SRD5A1: variants seen among roughly 807,000 people sequenced by gnomAD.
SRD5A1 encodes steroid 5 alpha-reductase 1, also known as 3-oxo-5-alpha-steroid 4-dehydrogenase 1.
A neutral mutation model predicts 28.2 loss-of-function variants in SRD5A1; 22 were observed. That is an observed-to-expected ratio of 0.78 (90% CI 0.56 to 1.12). SRD5A1 has a LOEUF of 1.12. Ranked by LOEUF, SRD5A1 falls within the 50% of genes most tolerant of loss-of-function variation. The pLI is 0.00. For synonymous variants in SRD5A1, 151 were observed against 135.0 expected (o/e 1.12, Z -0.82); for missense variants, 300 against 346.7 (o/e 0.87, Z 1.07).
At chr5:6,664,426 A>G (rs1029139639) in intron 4 of SRD5A1, among the ~76,000 whole-genome samples, 4 of 151,966 alleles carry the variant, frequency 2.6e-5, no homozygotes, top group African/African-American at 9.7e-5. Flanking sequence ...TTTTTTTAAG[A>G]CAGCATCTCA....
intron 2 of SRD5A1, among the ~76,000 whole-genome samples, chr5:6,655,437 C>A (rs568703516): frequency 2.0e-5 from 3 of 152,312 alleles, no homozygotes; most frequent in African/African-American, 7.2e-5. Context: ...TGGGGAGAAC[C>A]ATGCAGGCGG....
rs961357600 is a variant in SRD5A1 at position 6,669,566 on chromosome 5, G to A, written c.*1298G>A. 2.0e-5 allele frequency: 3 copies of A among 152,176 alleles called. No individual in the cohort carries two copies. Among genetic ancestry groups the A allele is most frequent in the Non-Finnish European group, 4.4e-5 (3 of 68,034 alleles). The allele number at this position is 152,176 out of a possible 1,614,324, so 9.4% of individuals were successfully genotyped here. ...ATAAATAGACTTTGCCATTTAACAA[G>A]GTAGCTCAAATTCTTTTACTAATTG... On this transcript the variant is annotated 3_prime_UTR_variant, in exon 5 of 5. Transcript: ENST00000274192.
intron 3 of SRD5A1, among the ~76,000 whole-genome samples, chr5:6,662,338 G>A (rs1214425650): frequency 6.6e-6 from 1 of 152,240 alleles, no homozygotes; most frequent in Non-Finnish European, 1.5e-5. Flanking sequence ...GGAGTTCATG[G>A]TTCTAGATGT....
chr5:6,656,186 A>G lies in SRD5A1; in HGVS notation c.562+7A>G, dbSNP rs915161979. The G allele has an allele frequency of 2.5e-6, 4 of 1,607,540 alleles. No individual in the cohort carries two copies. The East Asian group carries it at 8.9e-5, about 36-fold the overall frequency. ...GGATACAAAATACCAAGGGGTACGT[A>G]CAGAAAGTGAAGAATTTCTGTGAAA... On this transcript the variant is annotated splice_region_variant and intron_variant, in intron 3 of 4. Coordinates refer to ENST00000274192, the MANE Select transcript of SRD5A1 (RefSeq NM_001047.4).
chr5:6,634,149 G>A (rs1279673625), intron 1 of SRD5A1, among the ~76,000 whole-genome samples: 1 of 152,208 alleles, frequency 6.6e-6, no homozygotes, highest in African/African-American at 2.4e-5. Flanking sequence ...TCTGGAAAGA[G>A]CCACTCAGTG....
At chr5:6,637,530 T>C (rs542505703) in intron 1 of SRD5A1, among the ~76,000 whole-genome samples, 2 of 152,324 alleles carry the variant, frequency 1.3e-5, no homozygotes, top group Admixed American at 1.3e-4. Flanking sequence ...CTCATGCTCT[T>C]TCTCTCCACC....
At chr5:6,640,194 C>T (rs1738319728) in intron 1 of SRD5A1, among the ~76,000 whole-genome samples, 2 of 152,182 alleles carry the variant, frequency 1.3e-5, no homozygotes, top group African/African-American at 4.8e-5. Context: ...CACCATATTC[C>T]TGTGAGCTTC....
rs186093099 is a variant in SRD5A1, at chr5:6,651,839, A to C, written c.294-3A>C. On this transcript the variant is annotated splice_region_variant and splice_polypyrimidine_tract_variant and intron_variant, in intron 1 of 4. Transcript: ENST00000274192. ...AAATTGTGCCTGTTTCTTGTTTCCTAAGGTGCTTAATTTACCCATTTCTGA... is the reference window on the plus strand; with the variant it reads ...AAATTGTGCCTGTTTCTTGTTTCCTCAGGTGCTTAATTTACCCATTTCTGA... 5.3e-3 allele frequency: 8,488 copies of C among 1,603,690 alleles called. 44 individuals are homozygous for C. The highest frequency in any genetic ancestry group is 5.1e-3 in the Non-Finnish European group (5,927 of 1,173,554).
At chr5:6,638,504 G>A (rs897281944) in intron 1 of SRD5A1, among the ~76,000 whole-genome samples, 1 of 152,326 alleles carries the variant, frequency 6.6e-6, no homozygotes, top group Non-Finnish European at 1.5e-5. Context: ...GTTTCTCCTT[G>A]GAACAATCTC....
intron 1 of SRD5A1, among the ~76,000 whole-genome samples, chr5:6,645,810 T>G (rs1738492384): frequency 6.6e-6 from 1 of 152,330 alleles, no homozygotes; most frequent in South Asian, 2.1e-4. Context: ...CTGGATTTCG[T>G]AAGTCTAAAT....
chr5:6,656,636 CT>C (rs931644877), intron 3 of SRD5A1, among the ~76,000 whole-genome samples: 1 of 152,148 alleles, frequency 6.6e-6, no homozygotes, highest in African/African-American at 2.4e-5. Flanking sequence ...TGGAGCGTGT[CT>C]TTTGAGAATT....
At chr5:6,652,155 G>C in intron 2 of SRD5A1, 147 bp downstream of exon 2, 1 of 909,634 alleles carries the variant, frequency 1.1e-6, no homozygotes, top group Non-Finnish European at 1.6e-6. Flanking sequence ...CCATGGGAGA[G>C]CCCAGCTGTC....
Position 6,673,064 on chromosome 5 carries a change from A to T in SRD5A1, c.*4796A>T, listed in dbSNP as rs1278002447. 3.3e-5 allele frequency: 5 copies of T among 152,126 alleles called. No homozygotes were observed. Among genetic ancestry groups the T allele is most frequent in the African/African-American group, 1.2e-4 (5 of 41,410 alleles). 9.4% of individuals were successfully genotyped at this position (152,126 alleles called of 1,614,324 possible). A position where few individuals can be genotyped will look rare whatever the true frequency, so the allele number is the denominator to read the frequency against. ...CGGGAAAACTCCGTTCCCAATTCAG[A>T]TCCTCTGGGGAGGGCATCAATTATT... is the stretch of plus-strand genomic sequence containing the variant. On this transcript the variant is annotated 3_prime_UTR_variant, in exon 5 of 5. Coordinates refer to ENST00000274192, the MANE Select transcript of SRD5A1 (RefSeq NM_001047.4).
rs1739352388 is a variant in SRD5A1, at chr5:6,671,287, G to C, written c.*3019G>C. The C allele has an allele frequency of 6.6e-6, 1 of 151,936 alleles. No homozygotes were observed. The highest frequency in any genetic ancestry group is 1.5e-5 in the Non-Finnish European group (1 of 68,000). The allele number at this position is 151,936 out of a possible 1,614,324, so 9.4% of individuals were successfully genotyped here. ...GTTGAGCATTTTTTCATACTTTGTT[G>C]GCCATTTGTATATCTTCTTTTGAGA... is the stretch of plus-strand genomic sequence containing the variant. On this transcript the variant is annotated 3_prime_UTR_variant, in exon 5 of 5. Transcript: ENST00000274192.
At chr5:6,664,225 A>T (rs1739093837) in intron 4 of SRD5A1, among the ~76,000 whole-genome samples, 1 of 152,198 alleles carries the variant, frequency 6.6e-6, no homozygotes, top group South Asian at 2.1e-4. Context: ...GTCCTACTTC[A>T]TGGAGTTTAT....
intron 3 of SRD5A1, among the ~76,000 whole-genome samples, chr5:6,660,502 C>T (rs541402328): frequency 1.3e-5 from 2 of 152,152 alleles, no homozygotes; most frequent in Non-Finnish European, 2.9e-5. Flanking sequence ...TCATGATTAA[C>T]GTAATCTTGT....
chr5:6,663,549 G>A (rs1377544663), intron 4 of SRD5A1, among the ~76,000 whole-genome samples: 1 of 152,130 alleles, frequency 6.6e-6, no homozygotes, highest in Non-Finnish European at 1.5e-5. Context: ...CGAGCCATTT[G>A]ACCAACACAC....
intron 4 of SRD5A1, among the ~76,000 whole-genome samples, chr5:6,664,378 A>T (rs1400564049): frequency 6.6e-6 from 1 of 152,122 alleles, no homozygotes; most frequent in African/African-American, 2.4e-5. Flanking sequence ...AGATAAGAAG[A>T]AGAAAGGTCA....
chr5:6,650,595 G>C (rs942739581), intron 1 of SRD5A1, among the ~76,000 whole-genome samples: 1 of 149,538 alleles, frequency 6.7e-6, no homozygotes, highest in Non-Finnish European at 1.5e-5. Flanking sequence ...TAAACCTTTA[G>C]TAAAATGCAC....
Sources: allele counts gnomAD v4.1 joint callset (sites outside exome capture counted in the v4.1 genomes callset), GRCh38; gene constraint gnomAD v4.1.1; transcripts MANE v1.5; gene names NCBI Gene and HGNC (gene_info 2026-07-23, HGNC 2026-07-21).